The following NUCB1 variants were observed in gnomAD, a reference collection of about 807,000 sequenced individuals.
NUCB1 encodes the protein nucleobindin-1.
A neutral mutation model predicts 61.2 loss-of-function variants in NUCB1; 47 were observed. The ratio of observed to expected loss-of-function variants is 0.77; its 90% confidence interval spans 0.61 to 0.98. The LOEUF (loss-of-function observed/expected upper bound fraction) is 0.98, where lower values mean the gene tolerates loss of function less well. Ranked by LOEUF, NUCB1 falls within the 50% of genes least tolerant of loss-of-function variation. NUCB1 has a pLI of 0.00. For synonymous variants in NUCB1, 234 were observed against 243.1 expected (o/e 0.96, Z 0.35); for missense variants, 583 against 605.3 (o/e 0.96, Z 0.39).
intron 4 of NUCB1, among the ~76,000 whole-genome samples, chr19:48,910,073 GTATTTATTT>G (rs1192929850): frequency 6.6e-6 from 1 of 151,802 alleles, no homozygotes; most frequent in Non-Finnish European, 1.5e-5. Context: ...TTGTATGTAT[GTATTTATTT>G]TATTTATTTA....
chr19:48,904,587 C>T lies in NUCB1; in HGVS notation c.243+133C>T, dbSNP rs140120016. 275 of 600,348 alleles carry T rather than the reference C, an allele frequency of 4.6e-4. 1 individual carries two copies. The highest frequency in any genetic ancestry group is 4.1e-3 in the African/African-American group (217 of 52,920). The allele number at this position is 600,348 out of a possible 1,614,324, so 37.2% of individuals were successfully genotyped here. On this transcript the variant is annotated intron_variant, in intron 3 of 12. Transcript: ENST00000405315. Reference sequence around the variant, plus strand: ...TCACCCAGGCTGGAGTGCGATGGTGCGATCTCAGCTCACTGCACCTCCACC... The same window carrying T: ...TCACCCAGGCTGGAGTGCGATGGTGTGATCTCAGCTCACTGCACCTCCACC...
At chr19:48,901,803 G>A (rs1170442120) in intron 2 of NUCB1, among the ~76,000 whole-genome samples, 1 of 152,180 alleles carries the variant, frequency 6.6e-6, no homozygotes, top group Non-Finnish European at 1.5e-5. Flanking sequence ...GAATGGGCTA[G>A]TCATTACCCC....
Position 48,900,771 on chromosome 19 carries a change from C to T in NUCB1, c.-11-15C>T. On this transcript the variant is annotated splice_polypyrimidine_tract_variant and intron_variant, in intron 1 of 12. Transcript: ENST00000405315. The stretch of plus-strand genomic sequence containing the variant: ...GACAGACATTATGCATTATCCAGCC[C>T]TCCATCCCCCACAGACCACACTGCC... 2.5e-6 allele frequency: 4 copies of T among 1,612,032 alleles called. No homozygotes were observed. The highest frequency in any genetic ancestry group is 3.4e-6 in the Non-Finnish European group (4 of 1,178,898).
At chr19:48,909,828 C>CTGTATG in intron 4 of NUCB1, among the ~76,000 whole-genome samples, 1 of 152,194 alleles carries the variant, frequency 6.6e-6, no homozygotes, top group South Asian at 2.1e-4. Flanking sequence ...AGGCATGAGC[C>CTGTATG]ACTGTGCCCA....
chr19:48,914,438 C>T (rs1423820785), intron 7 of NUCB1, among the ~76,000 whole-genome samples: 1 of 152,068 alleles, frequency 6.6e-6, no homozygotes, highest in Non-Finnish European at 1.5e-5. Context: ...CTGACTCATT[C>T]ATTCAGCAAA....
At chr19:48,921,048 G>T in intron 10 of NUCB1, 106 bp from the exon 11 acceptor site, 2 of 1,277,804 alleles carry the variant, frequency 1.6e-6, no homozygotes, top group Admixed American at 2.5e-5. Context: ...ACATGGCCCT[G>T]GCCTCCCAGC....
rs2037389045 is a variant in NUCB1 at position 48,904,350 on chromosome 19, A to C, written c.139A>C (p.Thr47Pro). The C allele has an allele frequency of 1.2e-6, 2 of 1,601,148 alleles. No homozygotes were observed. Among genetic ancestry groups the C allele is most frequent in the Non-Finnish European group, 1.7e-6 (2 of 1,168,376 alleles). ...ATGTCTGTCCTTGTTGCCTCAGGAC[A>C]CAGGCCTGTACTACCACCGGTACCT... Reference protein sequence around the residue: ...EETPATESPDTGLYYHRYLQE... With the variant: ...EETPATESPDPGLYYHRYLQE... The change falls in exon 3 of 13, where the codon ACA becomes CCA. Residue 47 changes from threonine to proline, a missense_variant. Physicochemically the swap from Thr to Pro is conservative, Grantham distance 38. Coordinates refer to ENST00000405315, the MANE Select transcript of NUCB1 (RefSeq NM_006184.6).
intron 4 of NUCB1, among the ~76,000 whole-genome samples, chr19:48,910,459 G>C (rs887148826): frequency 3.3e-5 from 5 of 151,698 alleles, no homozygotes; most frequent in Admixed American, 2.0e-4. Flanking sequence ...GCCGAGGTGG[G>C]TGGATCACCT....
chr19:48,911,468 C>T lies in NUCB1; in HGVS notation c.480+216C>T, dbSNP rs182645643. ...TCCCCCAGGCTGGAGTGCAATGGCA[C>T]AATCTCGGCTCACTGCAACCTCCGC... On this transcript the variant is annotated intron_variant, in intron 5 of 12. Transcript: ENST00000405315. Among the ~76,000 whole-genome samples, 649 of 147,414 alleles carry T rather than the reference C, an allele frequency of 4.4e-3. 3 individuals carry two copies. Among genetic ancestry groups the T allele is most frequent in the Non-Finnish European group, 7.4e-3 (494 of 67,008 alleles).
rs140923412 is a variant in NUCB1, at chr19:48,913,504, G to A, written c.697G>A (p.Glu233Lys). The A allele has an allele frequency of 4.3e-6, 7 of 1,614,190 alleles. No individual in the cohort carries two copies. Among genetic ancestry groups the A allele is most frequent in the Non-Finnish European group, 5.9e-6 (7 of 1,180,010 alleles). The part of the protein sequence containing the change: ...GSQAQLKEVW[E>K]ELDGLDPNRF... The stretch of plus-strand genomic sequence containing the variant: ...CCAAGCCCAGTTGAAGGAGGTGTGG[G>A]AGGAGCTGGATGGACTGGACCCCAA... The change falls in exon 7 of 13, where the codon GAG (glutamate) becomes AAG (lysine). Residue 233 changes from glutamate (E) to lysine (K), a missense_variant. Coordinates refer to ENST00000405315, the MANE Select transcript of NUCB1 (RefSeq NM_006184.6).
Position 48,921,191 on chromosome 19 carries a change from T to C in NUCB1, c.1040T>C (p.Leu347Pro). ...EMHPAYTEEE[L>P]RRFEEELAAR... The stretch of plus-strand genomic sequence containing the variant: ...CACCCTGCCTACACCGAGGAAGAGC[T>C]GAGGCGCTTTGAAGAGGAGCTGGCT... Residue 347 changes from leucine (L) to proline (P), a missense_variant, in exon 11 of 13, where the codon CTG (leucine) becomes CCG (proline). Leu to Pro is a moderately conservative substitution (Grantham distance 98, BLOSUM62 -3). Transcript: ENST00000405315. The C allele has an allele frequency of 6.2e-7, 1 of 1,613,150 alleles. No individual in the cohort carries two copies. The highest frequency in any genetic ancestry group is 8.5e-7 in the Non-Finnish European group (1 of 1,179,758).
chr19:48,905,917 G>T, intron 4 of NUCB1, 32 bp downstream of exon 4: 1 of 1,524,504 alleles, frequency 6.6e-7, no homozygotes, highest in East Asian at 2.3e-5. Flanking sequence ...GGGACAGGCA[G>T]GGAGGGGTGG....
chr19:48,921,888 C>T lies in NUCB1; in HGVS notation c.1235C>T (p.Pro412Leu), dbSNP rs141143523. The T allele has an allele frequency of 1.1e-5, 18 of 1,611,832 alleles. No homozygotes were observed. Among genetic ancestry groups the T allele is most frequent in the Admixed American group, 5.0e-5 (3 of 59,822 alleles). ...QQQQQQGHKA[P>L]AAHPEGQLKF... is the part of the protein sequence containing the mutation. ...CAGCAGCAGCAAGGCCACAAGGCCC[C>T]GGCTGCCCACCCTGAGGGGCAGCTC... The change falls in exon 12 of 13, where the codon CCG becomes CTG. Residue 412 changes from proline to leucine, a missense_variant. Pro to Leu is a moderately conservative substitution (Grantham distance 98). Coordinates refer to ENST00000405315, the MANE Select transcript of NUCB1 (RefSeq NM_006184.6).
At position 48,913,483 on chromosome 19, in the gene NUCB1, G is replaced by C; in HGVS notation, c.676G>C (p.Ala226Pro). The change falls in exon 7 of 13, where the codon GCC becomes CCC. Residue 226 changes from alanine (A) to proline (P), a missense_variant. By Grantham distance (27) the Ala-to-Pro change is conservative (BLOSUM62 -1). Coordinates refer to ENST00000405315, the MANE Select transcript of NUCB1 (RefSeq NM_006184.6). ...HPKVNVPGSQ[A>P]QLKEVWEELD... The stretch of plus-strand genomic sequence containing the variant: ...GCTCTCCCCTCCACAGGGCAGCCAA[G>C]CCCAGTTGAAGGAGGTGTGGGAGGA... The C allele has an allele frequency of 1.2e-6, 2 of 1,614,196 alleles. No homozygotes were observed. Among genetic ancestry groups the C allele is most frequent in the South Asian group, 2.2e-5 (2 of 91,086 alleles).
chr19:48,906,795 C>T (rs1026497693), intron 4 of NUCB1, among the ~76,000 whole-genome samples: 1 of 151,988 alleles, frequency 6.6e-6, no homozygotes, highest in Non-Finnish European at 1.5e-5. Context: ...TCCCAAACAC[C>T]CCTGACCTGG....
At position 48,900,913 on chromosome 19, in the gene NUCB1, C is replaced by T. The variant is rs765180508; in HGVS notation, c.117C>T (p.Thr39=). 4.5e-5 allele frequency: 72 copies of T among 1,613,788 alleles called. No homozygotes were observed. Among genetic ancestry groups the T allele is most frequent in the Non-Finnish European group, 5.9e-5 (70 of 1,180,046 alleles). ...GAGGGGCGCCCAACAAGGAGGAGAC[C>T]CCTGCGACTGAGAGTCCCGTGAGTG... ...LERGAPNKEE[T]PATESPDTGL... Residue 39 remains threonine, a synonymous_variant, in exon 2 of 13, where the codon ACC becomes ACT. Coordinates refer to ENST00000405315, the MANE Select transcript of NUCB1 (RefSeq NM_006184.6).
chr19:48,918,533 G>C, intron 7 of NUCB1, 193 bp from the exon 8 acceptor site: 1 of 609,656 alleles, frequency 1.6e-6, no homozygotes, highest in South Asian at 2.0e-5. Flanking sequence ...CAACCCCCTG[G>C]TCGCTAGGCA....
chr19:48,905,641 T>C (rs2037402058), intron 3 of NUCB1, 112 bp from the exon 4 acceptor site: 31 of 1,287,122 alleles, frequency 2.4e-5, no homozygotes, highest in Non-Finnish European at 3.2e-5. Context: ...GCTGGGGGAC[T>C]ATAAGCAGGG....
At chr19:48,902,005 T>C (rs1250112804) in intron 2 of NUCB1, among the ~76,000 whole-genome samples, 1 of 152,168 alleles carries the variant, frequency 6.6e-6, no homozygotes, top group East Asian at 1.9e-4. Flanking sequence ...GGCCCAGCCA[T>C]GTGCATGCCC....
Sources: allele counts gnomAD v4.1 joint callset (sites outside exome capture counted in the v4.1 genomes callset), GRCh38; gene constraint gnomAD v4.1.1; transcripts MANE v1.5; gene names NCBI Gene and HGNC (gene_info 2026-07-23, HGNC 2026-07-21).